Variants in ATP2A1 observed in about 807,000 individuals in gnomAD.
ATP2A1 encodes ATPase sarcoplasmic/endoplasmic reticulum Ca2+ transporting 1, also known as sarcoplasmic/endoplasmic reticulum calcium ATPase 1.
A neutral mutation model predicts 109.5 loss-of-function variants in ATP2A1; 83 were observed. That is an observed-to-expected ratio of 0.76 (90% CI 0.63 to 0.91). The LOEUF (loss-of-function observed/expected upper bound fraction) is 0.91, where lower values mean the gene tolerates loss of function less well. Among genes scored for constraint, ATP2A1 ranks in the 40% least tolerant of loss-of-function variants. The pLI is 0.00. For missense variants in ATP2A1, 1,101 were observed against 1,341.0 expected (o/e 0.82, Z 2.80); for synonymous variants, 505 against 537.6 (o/e 0.94, Z 0.84).
chr16:28,884,782 C>T (rs915955355), intron 6 of ATP2A1, 127 bp downstream of exon 6: 6 of 945,598 alleles, frequency 6.3e-6, no homozygotes, highest in Non-Finnish European at 9.2e-6. Flanking sequence ...CCTGTCTCTA[C>T]AAAAAAATTT....
chr16:28,903,292 C>T lies in ATP2A1; in HGVS notation c.2863-31C>T, dbSNP rs1224120654. On this transcript the variant is annotated intron_variant, in intron 20 of 22. Coordinates refer to ENST00000395503, the MANE Select transcript of ATP2A1 (RefSeq NM_004320.6). The surrounding 1 kb of genome is among the most constrained non-coding windows in gnomAD (Gnocchi z 5.6). ...TGGTCTCTGGCTCCCTCCCCACCCC[C>T]TCCTGAGAGGGCGCTTGTCCCCTGC... 6.3e-7 allele frequency: 1 copy of T among 1,598,596 alleles called. No individual in the cohort carries two copies. Among genetic ancestry groups the T allele is most frequent in the Non-Finnish European group, 8.6e-7 (1 of 1,166,244 alleles).
intron 15 of ATP2A1, 27 bp downstream of exon 15, chr16:28,900,943 T>C: frequency 1.2e-6 from 2 of 1,613,068 alleles, no homozygotes; most frequent in South Asian, 1.1e-5. Context: ...AGCTGCAGCC[T>C]TAGTGTCCAC....
chr16:28,893,273 C>T (rs1963826582), intron 9 of ATP2A1, among the ~76,000 whole-genome samples: 2 of 150,468 alleles, frequency 1.3e-5, no homozygotes, highest in Admixed American at 6.6e-5. Flanking sequence ...GGCATGGTGG[C>T]ATGTGCCTGT....
chr16:28,888,097 G>A (rs1042664940), intron 8 of ATP2A1, among the ~76,000 whole-genome samples: 15 of 151,716 alleles, frequency 9.9e-5, no homozygotes, highest in African/African-American at 2.9e-4. Context: ...CACCGCACCC[G>A]GCCTTGCTCA....
rs568872134 is a variant in ATP2A1 at position 28,882,605 on chromosome 16, G to A, written c.463+16G>A. ...GAGGTGGCTGGTGAGTGACAGGGAC[G>A]GCTGGTCCAGGATGGGAGGCCTTGG... On this transcript the variant is annotated intron_variant, in intron 5 of 22. Coordinates refer to ENST00000395503, the MANE Select transcript of ATP2A1 (RefSeq NM_004320.6). 48 of 1,613,684 alleles carry A rather than the reference G, an allele frequency of 3.0e-5. No homozygotes were observed. The highest frequency in any genetic ancestry group is 8.3e-5 in the Admixed American group (5 of 59,948).
Position 28,878,632 on chromosome 16 carries a change from G to GCCCCGGCCCC in ATP2A1, c.-40_-39insCCCCGGCCCC. 1 of 1,542,998 alleles carries GCCCCGGCCCC rather than the reference G, an allele frequency of 6.5e-7. No individual in the cohort carries two copies. The highest frequency in any genetic ancestry group is 8.8e-7 in the Non-Finnish European group (1 of 1,133,522). ...ACCCCCCACGAGTGGGAACCCCCTG[G>GCCCCGGCCCC]AAGGAACACACCGGCCCCGGCCCCC... On this transcript the variant is annotated 5_prime_UTR_variant, in exon 1 of 23. Coordinates refer to ENST00000395503, the MANE Select transcript of ATP2A1 (RefSeq NM_004320.6).
chr16:28,902,208 G>T lies in ATP2A1; in HGVS notation c.2346G>T (p.Gly782=). ...VVCIFLTAAL[G]LPEALIPVQL... ...GTATCTTCCTGACCGCTGCCCTGGG[G>T]CTGCCTGAGGCCCTGATCCCGGTGC... is the stretch of plus-strand genomic sequence containing the variant. The change falls in exon 17 of 23, where the codon GGG becomes GGT. Residue 782 remains glycine, a synonymous_variant. Coordinates refer to ENST00000395503, the MANE Select transcript of ATP2A1 (RefSeq NM_004320.6). This position sits in a 1 kb window ranked among gnomAD's most constrained non-coding sequence, Gnocchi z 4.8. 6.2e-7 allele frequency: 1 copy of T among 1,614,140 alleles called. No homozygotes were observed. Among genetic ancestry groups the T allele is most frequent in the Non-Finnish European group, 8.5e-7 (1 of 1,180,016 alleles).
At chr16:28,885,465 TC>T (rs1963591157) in intron 6 of ATP2A1, among the ~76,000 whole-genome samples, 1 of 151,910 alleles carries the variant, frequency 6.6e-6, no homozygotes. Context: ...TGCTTCAGCC[TC>T]CAGAGTAGCT....
intron 9 of ATP2A1, among the ~76,000 whole-genome samples, chr16:28,889,410 C>G (rs777026414): frequency 6.6e-6 from 1 of 152,094 alleles, no homozygotes; most frequent in Non-Finnish European, 1.5e-5. Context: ...GTGCCTGCCA[C>G]CACGCCTGGC....
chr16:28,893,035 CAA>C (rs201849183), intron 9 of ATP2A1, among the ~76,000 whole-genome samples: 27 of 114,544 alleles, frequency 2.4e-4, no homozygotes, highest in Admixed American at 2.7e-4. Context: ...ACTGCATCTC[CAA>C]AAAAAAAAAA....
Position 28,904,348 on chromosome 16 carries a change from C to T in ATP2A1, c.*206C>T. Reference sequence around the variant, plus strand: ...CCCTTCCCTTTCCTTCCCCCTCGGCCACCCGCCTCCCTCTCAACCTTGTAA... The same window carrying T: ...CCCTTCCCTTTCCTTCCCCCTCGGCTACCCGCCTCCCTCTCAACCTTGTAA... On this transcript the variant is annotated 3_prime_UTR_variant, in exon 23 of 23. Transcript: ENST00000395503. 6.5e-7 allele frequency: 1 copy of T among 1,547,662 alleles called. No homozygotes were observed. The highest frequency in any genetic ancestry group is 1.4e-5 in the African/African-American group (1 of 73,376).
rs117053363 is a variant in ATP2A1, at chr16:28,889,169, C to T, written c.1095+216C>T. The stretch of plus-strand genomic sequence containing the variant: ...GACAGCTCACTCTGACCACCATCCA[C>T]GCACCAGGCACTGCCACACATCGTC... On this transcript the variant is annotated intron_variant, in intron 9 of 22. Coordinates refer to ENST00000395503, the MANE Select transcript of ATP2A1 (RefSeq NM_004320.6). Among the ~76,000 whole-genome samples the T allele has an allele frequency of 3.6e-3, 546 of 152,228 alleles. 1 individual carries two copies. Among genetic ancestry groups the T allele is most frequent in the Middle Eastern group, 6.8e-3 (2 of 292 alleles).
rs374313207 is a variant in ATP2A1, at chr16:28,887,662, C to T, written c.868C>T (p.Arg290Cys). 2.7e-5 allele frequency: 44 copies of T among 1,614,140 alleles called. No individual in the cohort carries two copies. Among genetic ancestry groups the T allele is most frequent in the East Asian group, 8.9e-5 (4 of 44,882 alleles). Residue 290 changes from arginine to cysteine, a missense_variant, in exon 8 of 23, where the codon CGC (arginine) becomes TGC (cysteine). Transcript: ENST00000395503. ...CCCCGTCCATGGGGGCTCCTGGTTC[C>T]GCGGGGCCATCTACTACTTTAAGAT... Reference protein sequence around the residue: ...NDPVHGGSWFRGAIYYFKIAV... With the variant: ...NDPVHGGSWFCGAIYYFKIAV...
chr16:28,879,444 C>A, intron 2 of ATP2A1, 57 bp from the exon 3 acceptor site: 1 of 1,545,752 alleles, frequency 6.5e-7, no homozygotes. Context: ...GCGCTCCATC[C>A]CAGACCTTCA....
intron 4 of ATP2A1, 52 bp from the exon 5 acceptor site, chr16:28,882,399 C>T: frequency 6.3e-7 from 1 of 1,596,388 alleles, no homozygotes; most frequent in Non-Finnish European, 8.6e-7. Flanking sequence ...GCCACAACTC[C>T]ATAACTCTGC....
At position 28,878,679 on chromosome 16, in the gene ATP2A1, C is replaced by T. The variant is rs1277385743; in HGVS notation, c.8C>T (p.Ala3Val). ME[A>V]AHAKTTEECL... ...CCCCAGGAAGGGAGCACAATGGAGG[C>T]CGCTCATGCTAAAACCACGGAGGAA... is the stretch of plus-strand genomic sequence containing the variant. The change falls in exon 1 of 23, where the codon GCC (alanine) becomes GTC (valine). Residue 3 changes from alanine to valine, a missense_variant. By Grantham distance (64) the Ala-to-Val change is moderately conservative. Transcript: ENST00000395503. The T allele has an allele frequency of 1.3e-6, 2 of 1,599,240 alleles. No individual in the cohort carries two copies. Among genetic ancestry groups the T allele is most frequent in the Non-Finnish European group, 1.7e-6 (2 of 1,172,338 alleles).
intron 9 of ATP2A1, among the ~76,000 whole-genome samples, chr16:28,893,235 A>AAGAG (rs1175729941): frequency 1.3e-5 from 2 of 148,852 alleles, no homozygotes; most frequent in Admixed American, 6.7e-5. Context: ...AAAAAAAAAA[A>AAGAG]AGAGAGAGAG....
intron 2 of ATP2A1, 121 bp downstream of exon 2, chr16:28,879,237 TC>T: frequency 7.6e-7 from 1 of 1,308,940 alleles, no homozygotes; most frequent in Non-Finnish European, 1.1e-6. Context: ...AAGGCAAATC[TC>T]CCTCCCTAAA....
rs1180645854 is a variant in ATP2A1 at position 28,894,531 on chromosome 16, C to T, written c.1211C>T (p.Pro404Leu). The T allele has an allele frequency of 6.2e-7, 1 of 1,614,130 alleles. No homozygotes were observed. The highest frequency in any genetic ancestry group is 1.1e-5 in the South Asian group (1 of 91,072). Residue 404 changes from proline (P) to leucine (L), a missense_variant, in exon 11 of 23, where the codon CCA becomes CTA. By Grantham distance (98) the Pro-to-Leu change is moderately conservative. Transcript: ENST00000395503. ...TTGAAGAATGATAAGCCAGTCCGGC[C>T]AGGGCAGTATGACGGGCTGGTGGAG... is the stretch of plus-strand genomic sequence containing the variant. Reference protein sequence around the residue: ...EVLKNDKPVRPGQYDGLVELA... With the variant: ...EVLKNDKPVRLGQYDGLVELA...
Sources: gnomAD v4.1 joint callset for allele counts (sites outside exome capture counted in the v4.1 genomes callset) on GRCh38, gnomAD v4.1.1 for gene constraint, Gnocchi (gnomAD v3.1) non-coding constraint, MANE v1.5 for transcripts, NCBI Gene and HGNC (gene_info 2026-07-23, HGNC 2026-07-21) for gene names.